Variants in KANSL1L observed in about 807,000 individuals in gnomAD.
KANSL1L encodes KAT8 regulatory NSL complex subunit 1 like, also known as KAT8 regulatory NSL complex subunit 1-like protein.
KANSL1L carries 25 observed loss-of-function variants against 108.6 expected under a neutral mutation model. The observed-to-expected ratio is 0.23, with a 90% CI of 0.17 to 0.32. The LOEUF (loss-of-function observed/expected upper bound fraction) is 0.32. Among genes scored for constraint, KANSL1L ranks in the 10% least tolerant of loss-of-function variants. The pLI, the probability that KANSL1L is intolerant of heterozygous loss-of-function variation, is 1.00. For missense variants in KANSL1L, 1,137 were observed against 1,125.7 expected (o/e 1.01, Z -0.14); for synonymous variants, 405 against 395.1 (o/e 1.03, Z -0.30).
upstream of KANSL1L, chr2:210,171,478 C>T (rs973461347): frequency 3.9e-5 from 6 of 154,470 alleles, no homozygotes; most frequent in South Asian, 1.1e-3. Flanking sequence ...GCAAATGAAG[C>T]GGGTGGCGGG....
intron 5 of KANSL1L, among the ~76,000 whole-genome samples, chr2:210,096,099 A>C (rs1029603459): frequency 2.0e-5 from 3 of 152,160 alleles, no homozygotes; most frequent in Non-Finnish European, 4.4e-5. Context: ...AGGTTGTAGC[A>C]ACAACTAATT....
intron 5 of KANSL1L, among the ~76,000 whole-genome samples, chr2:210,094,305 G>A (rs1020183804): frequency 3.3e-5 from 5 of 151,890 alleles, no homozygotes; most frequent in African/African-American, 9.7e-5. Flanking sequence ...ATATGCTTCC[G>A]AGAAGTATTT....
Position 210,058,841 on chromosome 2 carries a change from A to G in KANSL1L, c.1756-14737T>C, listed in dbSNP as rs1168963210. Among the ~76,000 whole-genome samples the G allele has an allele frequency of 6.0e-3, 902 of 150,500 alleles. 9 individuals are homozygous for G. The highest frequency in any genetic ancestry group is 0.021 in the African/African-American group (872 of 40,918). ...GACAGAGCGAGACTCCGTCTCAAAAAAAAAAAAAAAAAAACCTTGCTGGTT... is the reference window on the plus strand; with the variant it reads ...GACAGAGCGAGACTCCGTCTCAAAAGAAAAAAAAAAAAAACCTTGCTGGTT... On this transcript the variant is annotated intron_variant, in intron 6 of 14. Transcript: ENST00000281772.
intron 2 of KANSL1L, among the ~76,000 whole-genome samples, chr2:210,139,333 T>C (rs866925881): frequency 2.0e-5 from 3 of 152,178 alleles, no homozygotes; most frequent in East Asian, 1.9e-4. Flanking sequence ...GTCAGTTTGA[T>C]TGCATACTTT....
intron 3 of KANSL1L, among the ~76,000 whole-genome samples, chr2:210,118,010 A>C (rs2094972147): frequency 6.6e-6 from 1 of 151,638 alleles, no homozygotes; most frequent in Non-Finnish European, 1.5e-5. Context: ...CTAAAAATAC[A>C]AAAAAATTAG....
At position 210,104,240 on chromosome 2, in the gene KANSL1L, A is replaced by C. The variant is rs1190046030; in HGVS notation, c.1292T>G (p.Phe431Cys). ...PKDILKKQMQ[F>C]ADQAASLNIL... ...GTTTAGTGAAGCTGCTTGGTCTGCA[A>C]ATTGCATTTGTTTTTTCAAAATATC... Residue 431 changes from phenylalanine to cysteine, a missense_variant, in exon 4 of 15, where the codon TTT becomes TGT. Physicochemically the swap from Phe to Cys is radical, Grantham distance 205. This residue lies in a region of KANSL1L where 556 missense variants were observed against 537.7 expected (regional missense o/e 1.03). Coordinates refer to ENST00000281772, the MANE Select transcript of KANSL1L (RefSeq NM_152519.4). The C allele has an allele frequency of 6.2e-7, 1 of 1,613,902 alleles. No individual in the cohort carries two copies. The highest frequency in any genetic ancestry group is 1.7e-5 in the Admixed American group (1 of 59,974).
At chr2:210,131,701 T>C (rs2095121764) in intron 2 of KANSL1L, among the ~76,000 whole-genome samples, 1 of 151,320 alleles carries the variant, frequency 6.6e-6, no homozygotes, top group Non-Finnish European at 1.5e-5. Context: ...ATATATGAAA[T>C]AAATTTTCTT....
chr2:210,141,748 C>T lies in KANSL1L; in HGVS notation c.1088+11747G>A, dbSNP rs79682314. Among the ~76,000 whole-genome samples the T allele has an allele frequency of 1.1e-3, 161 of 152,244 alleles. 2 individuals carry two copies. In the East Asian group the frequency reaches 0.023, roughly 22 times the overall value. On this transcript the variant is annotated intron_variant, in intron 2 of 14. Coordinates refer to ENST00000281772, the MANE Select transcript of KANSL1L (RefSeq NM_152519.4). The stretch of plus-strand genomic sequence containing the variant: ...CTTTATTGGTAGAGGTACATTCCTT[C>T]GATACCTAATCTGTTGAGAGTCTGA...
intron 5 of KANSL1L, among the ~76,000 whole-genome samples, chr2:210,090,830 G>A (rs2094686849): frequency 6.6e-6 from 1 of 151,816 alleles, no homozygotes; most frequent in Non-Finnish European, 1.5e-5. Context: ...ACCATGCCCA[G>A]CCGTGTTATT....
Position 210,171,257 on chromosome 2 carries a change from C to T in KANSL1L, c.-138G>A. 1 of 169,400 alleles carries T rather than the reference C, an allele frequency of 5.9e-6. No individual in the cohort carries two copies. The highest frequency in any genetic ancestry group is 1.2e-5 in the Non-Finnish European group (1 of 82,094). 10.5% of individuals were successfully genotyped at this position (169,400 alleles called of 1,614,324 possible). A position where few individuals can be genotyped will look rare whatever the true frequency, so the allele number is the denominator to read the frequency against. ...CGCCCGCCTCCCCCACCCGGGGCGC[C>T]GCTGACTCGTCTCCAGAGCGCGCCC... On this transcript the variant is annotated 5_prime_UTR_variant, in exon 1 of 15. Transcript: ENST00000281772.
intron 1 of KANSL1L, among the ~76,000 whole-genome samples, chr2:210,168,435 T>C (rs866072036): frequency 2.0e-5 from 3 of 152,096 alleles, no homozygotes; most frequent in African/African-American, 7.2e-5. Flanking sequence ...TAAAGGATCC[T>C]ATAGGCAATA....
chr2:210,155,754 T>A (rs1038124480), intron 1 of KANSL1L, among the ~76,000 whole-genome samples: 1 of 152,234 alleles, frequency 6.6e-6, no homozygotes, highest in African/African-American at 2.4e-5. Flanking sequence ...TAATTTTATG[T>A]CATTAACAAT....
At chr2:210,102,764 G>A (rs1575533601) in intron 4 of KANSL1L, among the ~76,000 whole-genome samples, 1 of 152,148 alleles carries the variant, frequency 6.6e-6, no homozygotes, top group Non-Finnish European at 1.5e-5. Flanking sequence ...AAACCACAAT[G>A]AGATACCATC....
At chr2:210,085,692 C>T (rs1232426419) in intron 5 of KANSL1L, among the ~76,000 whole-genome samples, 1 of 151,820 alleles carries the variant, frequency 6.6e-6, no homozygotes, top group African/African-American at 2.4e-5. Flanking sequence ...TCATACTGTA[C>T]TATAATTTTA....
At chr2:210,064,337 A>C (rs1435752945) in intron 6 of KANSL1L, 1 of 152,238 alleles carries the variant, frequency 6.6e-6, no homozygotes, top group Non-Finnish European at 1.5e-5. Context: ...AATAAATATT[A>C]GCTATTATTA....
intron 3 of KANSL1L, among the ~76,000 whole-genome samples, chr2:210,117,342 A>G (rs2094964226): frequency 6.6e-6 from 1 of 152,202 alleles, no homozygotes; most frequent in African/African-American, 2.4e-5. Flanking sequence ...CAAATGGATA[A>G]TAACAGAGAA....
chr2:210,031,668 A>G, intron 8 of KANSL1L, 122 bp from the exon 9 acceptor site: 1 of 576,602 alleles, frequency 1.7e-6, no homozygotes, highest in Non-Finnish European at 2.9e-6. Context: ...ACAGATAAAC[A>G]TAAATACCAA....
intron 6 of KANSL1L, among the ~76,000 whole-genome samples, chr2:210,056,624 G>A (rs1307577351): frequency 6.6e-6 from 1 of 152,070 alleles, no homozygotes; most frequent in Non-Finnish European, 1.5e-5. Flanking sequence ...GGGGTTACAG[G>A]CATGCACCAC....
chr2:210,124,450 G>A (rs944164694), intron 3 of KANSL1L, among the ~76,000 whole-genome samples: 4 of 151,700 alleles, frequency 2.6e-5, no homozygotes, highest in Non-Finnish European at 5.9e-5. Context: ...AGAAATAAAC[G>A]AAAATGAAAA....
Sources: gnomAD v4.1 joint callset for allele counts (sites outside exome capture counted in the v4.1 genomes callset) on GRCh38, gnomAD v4.1.1 for gene constraint, gnomAD v4.1.1 regional missense constraint, MANE v1.5 for transcripts, NCBI Gene and HGNC (gene_info 2026-07-23, HGNC 2026-07-21) for gene names.